Variants in KCNH6 observed in about 807,000 individuals in gnomAD.
KCNH6 encodes the protein potassium voltage-gated channel subfamily H member 6.
A neutral mutation model predicts 83.4 loss-of-function variants in KCNH6; 81 were observed. The observed-to-expected ratio is 0.97, with a 90% confidence interval of 0.81 to 1.17. The LOEUF is 1.17. Ranked by LOEUF, KCNH6 falls within the 50% of genes most tolerant of loss-of-function variation. KCNH6 has a pLI of 0.00. For synonymous variants in KCNH6, 503 were observed against 545.6 expected (o/e 0.92, Z 1.09); for missense variants, 1,203 against 1,290.5 (o/e 0.93, Z 1.04).
In KCNH6 at chr17:63,523,725, G is replaced by T. The variant is rs1434414351; in HGVS notation, c.76+236G>T. Among the ~76,000 whole-genome samples, 1 of 151,988 alleles carries T rather than the reference G, an allele frequency of 6.6e-6. No individual in the cohort carries two copies. The highest frequency in any genetic ancestry group is 1.5e-5 in the Non-Finnish European group (1 of 67,984). On this transcript the variant is annotated intron_variant, in intron 1 of 12. Coordinates refer to ENST00000314672, the MANE Select transcript of KCNH6 (RefSeq NM_001278919.2). This position sits in a 1 kb window ranked among gnomAD's most constrained non-coding sequence, Gnocchi z 4.2. ...AGCGTGCAGGCCTTCCCTCCCTACTGCCAGCTGTTTCCTTGGTGCCCCAAG... is the reference window on the plus strand; with the variant it reads ...AGCGTGCAGGCCTTCCCTCCCTACTTCCAGCTGTTTCCTTGGTGCCCCAAG...
chr17:63,544,875 G>A (rs1283736311), intron 11 of KCNH6, among the ~76,000 whole-genome samples: 1 of 152,100 alleles, frequency 6.6e-6, no homozygotes, highest in Admixed American at 6.6e-5. Context: ...CTTGGTGCCT[G>A]CTCACTGGTG....
Position 63,535,841 on chromosome 17 carries a change from T to TG in KCNH6, c.1276dup (p.Glu426GlyfsTer139). 6.2e-7 allele frequency: 1 copy of TG among 1,614,222 alleles called. No individual in the cohort carries two copies. Among genetic ancestry groups the TG allele is most frequent in the East Asian group, 2.2e-5 (1 of 44,888 alleles). On this transcript the variant is annotated frameshift_variant, in exon 6 of 13. Transcript: ENST00000314672. LOFTEE classifies it high-confidence loss of function. The surrounding 1 kb of genome is among the most constrained non-coding windows in gnomAD (Gnocchi z 4.9). Reference sequence around the variant, plus strand: ...TGCATCTGGTACGCCATCGGCAATGTGGAGCGGCCCTACCTAGAACACAAG... The same window carrying TG: ...TGCATCTGGTACGCCATCGGCAATGTGGGAGCGGCCCTACCTAGAACACAAG...
chr17:63,524,641 T>C (rs2031579884), intron 2 of KCNH6, among the ~76,000 whole-genome samples: 1 of 152,230 alleles, frequency 6.6e-6, no homozygotes, highest in Non-Finnish European at 1.5e-5. Context: ...CCTGGTCTCC[T>C]GGCTCTCCAC....
At chr17:63,543,738 C>T (rs1479741813) in intron 10 of KCNH6, 78 bp downstream of exon 10, 21 of 888,744 alleles carry the variant, frequency 2.4e-5, no homozygotes, top group Admixed American at 3.5e-5. Context: ...CCTCTCCATC[C>T]TGCCTCCCCA....
chr17:63,545,209 C>CG lies in KCNH6; in HGVS notation c.2530dup (p.Glu844GlyfsTer27), dbSNP rs757876771. The stretch of plus-strand genomic sequence containing the variant: ...GACCTGGCCTTGGTTCCTATAGCCT[C>CG]GGAGACGACGAGTCCAGGGCCCAGG... On this transcript the variant is annotated frameshift_variant, in exon 12 of 13. Coordinates refer to ENST00000314672, the MANE Select transcript of KCNH6 (RefSeq NM_001278919.2). LOFTEE classifies it high-confidence loss of function. 12 of 1,613,738 alleles carry CG rather than the reference C, an allele frequency of 7.4e-6. No homozygotes were observed. The South Asian group carries it at 1.3e-4, about 18-fold the overall frequency.
intron 6 of KCNH6, among the ~76,000 whole-genome samples, chr17:63,536,886 G>A (rs2032531257): frequency 6.9e-6 from 1 of 143,926 alleles, no homozygotes. Flanking sequence ...CCTGGGAGGT[G>A]GAGCTTGCAT....
intron 4 of KCNH6, among the ~76,000 whole-genome samples, chr17:63,531,900 G>A (rs907591151): frequency 4.6e-5 from 7 of 152,204 alleles, no homozygotes; most frequent in African/African-American, 1.4e-4. Flanking sequence ...GTGGGTCCTA[G>A]GTCCAGGGAG....
chr17:63,538,102 G>C lies in KCNH6; in HGVS notation c.1539G>C (p.Ala513=), dbSNP rs377548867. 5.0e-6 allele frequency: 8 copies of C among 1,613,860 alleles called. No individual in the cohort carries two copies. The highest frequency in any genetic ancestry group is 5.9e-6 in the Non-Finnish European group (7 of 1,180,032). Residue 513 remains alanine, a synonymous_variant, in exon 7 of 13, where the codon GCG becomes GCC. Coordinates refer to ENST00000314672, the MANE Select transcript of KCNH6 (RefSeq NM_001278919.2). This position sits in a 1 kb window ranked among gnomAD's most constrained non-coding sequence, Gnocchi z 4.0. ...MYASIFGNVS[A]IIQRLYSGTA... The stretch of plus-strand genomic sequence containing the variant: ...CCAGCATCTTCGGGAACGTGTCCGC[G>C]ATCATCCAGCGCCTGTACTCGGGCA...
rs574268878 is a variant in KCNH6, at chr17:63,536,065, G to C, written c.1498G>C (p.Gly500Arg). ...KVFSICVMLI[G>R]SLMYASIFGN... ...CTTCTCCATCTGCGTCATGCTCATC[G>C]GCTGTGAGTGAGACCTCATGCCACG... Residue 500 changes from glycine (G) to arginine (R), a missense_variant, in exon 6 of 13, where the codon GGC (glycine) becomes CGC (arginine). Physicochemically the swap from Gly to Arg is moderately radical, Grantham distance 125. Transcript: ENST00000314672. 1.2e-6 allele frequency: 2 copies of C among 1,612,380 alleles called. No homozygotes were observed. The highest frequency in any genetic ancestry group is 4.5e-5 in the East Asian group (2 of 44,892).
rs1254974406 is a variant in KCNH6, at chr17:63,523,455, C to A, written c.42C>A (p.Tyr14Ter). The stretch of plus-strand genomic sequence containing the variant: ...GCCACGTCGCTCCCCAAAACACTTA[C>A]CTGGACACCATCATCCGCAAGTTCG... ...RRGHVAPQNT[Y>*]LDTIIRKFEG... Residue 14 changes from tyrosine to a stop codon, truncating the protein, a stop_gained, in exon 1 of 13, where the codon TAC (tyrosine) becomes TAA (stop). Coordinates refer to ENST00000314672, the MANE Select transcript of KCNH6 (RefSeq NM_001278919.2). LOFTEE classifies it high-confidence loss of function. The surrounding 1 kb of genome is among the most constrained non-coding windows in gnomAD (Gnocchi z 4.2). The A allele has an allele frequency of 1.2e-6, 2 of 1,608,076 alleles. No homozygotes were observed. The highest frequency in any genetic ancestry group is 2.7e-5 in the African/African-American group (2 of 74,094).
rs766643026 is a variant in KCNH6, at chr17:63,530,087, G to A, written c.308-4G>A. 74 of 1,612,590 alleles carry A rather than the reference G, an allele frequency of 4.6e-5. No homozygotes were observed. Among genetic ancestry groups the A allele is most frequent in the Non-Finnish European group, 5.8e-5 (69 of 1,179,880 alleles). On this transcript the variant is annotated splice_polypyrimidine_tract_variant and splice_region_variant and intron_variant, in intron 2 of 12. Coordinates refer to ENST00000314672, the MANE Select transcript of KCNH6 (RefSeq NM_001278919.2). ...ACCCCCCATCCTCCCAATGGTGTTC[G>A]CAGCCTCCAGCTTCCGCTGCCTGGT...
chr17:63,524,684 T>C (rs1295548533), intron 2 of KCNH6, among the ~76,000 whole-genome samples: 1 of 152,174 alleles, frequency 6.6e-6, no homozygotes, highest in Non-Finnish European at 1.5e-5. Context: ...GTCAGGCAGC[T>C]GGGATGGAAA....
rs2147680419 is a variant in KCNH6 at position 63,535,592 on chromosome 17, G to A, written c.1102-77G>A. ...TGAATGAGTATGTGGTTGTATGCAT[G>A]AGTGAACAAAAGCAGGCCTGACTGC... On this transcript the variant is annotated intron_variant, in intron 5 of 12. Transcript: ENST00000314672. The surrounding 1 kb of genome is among the most constrained non-coding windows in gnomAD (Gnocchi z 4.9). 7.3e-7 allele frequency: 1 copy of A among 1,369,250 alleles called. No individual in the cohort carries two copies. Among genetic ancestry groups the A allele is most frequent in the East Asian group, 2.3e-5 (1 of 43,412 alleles). 84.8% of individuals were successfully genotyped at this position (1,369,250 alleles called of 1,614,324 possible). A position where few individuals can be genotyped will look rare whatever the true frequency, so the allele number is the denominator to read the frequency against.
intron 11 of KCNH6, 23 bp downstream of exon 11, chr17:63,544,434 T>G: frequency 6.7e-7 from 1 of 1,499,536 alleles, no homozygotes; most frequent in East Asian, 2.4e-5. Flanking sequence ...TGGTCAGGGC[T>G]GGGGGCTGGT....
intron 8 of KCNH6, among the ~76,000 whole-genome samples, chr17:63,541,282 C>G (rs1057023792): frequency 2.9e-5 from 4 of 138,178 alleles, no homozygotes; most frequent in African/African-American, 1.1e-4. Flanking sequence ...TCAGGTGCCT[C>G]TTGCTTTTTT....
chr17:63,545,600 T>C lies in KCNH6; in HGVS notation c.2584-9T>C, dbSNP rs199939730. ...CCTGGGGTGCATCCCTCTTTCTTGC[T>C]CCTCCCAGACCCCAAGCTATGGAGA... On this transcript the variant is annotated splice_polypyrimidine_tract_variant and intron_variant, in intron 12 of 12. Transcript: ENST00000314672. 2.4e-5 allele frequency: 39 copies of C among 1,607,778 alleles called. No individual in the cohort carries two copies. The African/African-American group carries it at 4.5e-4, about 19-fold the overall frequency.
At chr17:63,548,719 A>G (rs1598021182), downstream of KCNH6, 1 of 152,148 alleles carries the variant, frequency 6.6e-6, no homozygotes, top group East Asian at 1.9e-4. Context: ...ATTATTTTTT[A>G]TTAGAATAAG....
At position 63,538,482 on chromosome 17, in the gene KCNH6, T is replaced by C. The variant is rs2032665265; in HGVS notation, c.1774T>C (p.Cys592Arg). 1 of 1,604,298 alleles carries C rather than the reference T, an allele frequency of 6.2e-7. No individual in the cohort carries two copies. The highest frequency in any genetic ancestry group is 1.3e-5 in the African/African-American group (1 of 74,810). ...CCTGCACCGCGCACTGCTGCAGCAC[T>C]GCCCAGCTTTCAGCGGCGCCGGCAA... is the stretch of plus-strand genomic sequence containing the variant. ...LHLHRALLQH[C>R]PAFSGAGKGC... The change falls in exon 8 of 13, where the codon TGC becomes CGC. Residue 592 changes from cysteine to arginine, a missense_variant. Transcript: ENST00000314672. This position sits in a 1 kb window ranked among gnomAD's most constrained non-coding sequence, Gnocchi z 4.0.
rs201808060 is a variant in KCNH6, at chr17:63,545,854, C to G, written c.2829C>G (p.Phe943Leu). The G allele has an allele frequency of 3.3e-5, 54 of 1,614,104 alleles. No homozygotes were observed. In the East Asian group the frequency reaches 1.2e-3, roughly 36 times the overall value. Residue 943 changes from phenylalanine to leucine, a missense_variant, in exon 13 of 13, where the codon TTC becomes TTG. Phe to Leu is a conservative substitution (Grantham distance 22, BLOSUM62 0). Coordinates refer to ENST00000314672, the MANE Select transcript of KCNH6 (RefSeq NM_001278919.2). ...GCTCTGTTCCCAAGCAGCTGGACTT[C>G]CAGAGACATGGCTCAGATCCTGGAT... ...HLGSVPKQLDFQRHGSDPGFA... is the reference protein window; with the variant it reads ...HLGSVPKQLDLQRHGSDPGFA...
Sources: allele counts gnomAD v4.1 joint callset (sites outside exome capture counted in the v4.1 genomes callset), GRCh38; gene constraint gnomAD v4.1.1; non-coding constraint Gnocchi (gnomAD v3.1); transcripts MANE v1.5; gene names NCBI Gene and HGNC (gene_info 2026-07-23, HGNC 2026-07-21).